PLCB1: variants seen among roughly 807,000 people sequenced by gnomAD.
PLCB1 encodes the protein phospholipase C beta 1.
In PLCB1, 46 loss-of-function variants were observed where a neutral mutation model predicts 161.8. The observed-to-expected ratio is 0.28, with a 90% CI of 0.22 to 0.36. PLCB1 has a LOEUF of 0.36. Ranked by LOEUF, PLCB1 falls within the 10% of genes least tolerant of loss-of-function variation. PLCB1 has a pLI of 1.00. For synonymous variants in PLCB1, 517 were observed against 503.7 expected (o/e 1.03, Z -0.35); for missense variants, 1,016 against 1,472.5 (o/e 0.69, Z 5.07).
chr20:8,826,145 G>A (rs528427207), intron 31 of PLCB1, among the ~76,000 whole-genome samples: 1 of 152,106 alleles, frequency 6.6e-6, no homozygotes, highest in Non-Finnish European at 1.5e-5. Flanking sequence ...GGAGATAAAA[G>A]ATTTGTGAGT....
At chr20:8,367,494 G>T (rs1227614249) in intron 2 of PLCB1, among the ~76,000 whole-genome samples, 2 of 152,188 alleles carry the variant, frequency 1.3e-5, no homozygotes, top group Non-Finnish European at 2.9e-5. Flanking sequence ...CACTGATACG[G>T]AAGGTATGAT....
At position 8,299,867 on chromosome 20, in the gene PLCB1, A is replaced by G. The variant is rs1983815888; in HGVS notation, c.178-71515A>G. 3.3e-5 allele frequency among the ~76,000 whole-genome samples: 5 copies of G among 152,132 alleles called. No homozygotes were observed. In the South Asian group the frequency reaches 1.0e-3, roughly 31 times the overall value. The stretch of plus-strand genomic sequence containing the variant: ...TTTCACTTTTTCTCAAGGCTCAAGG[A>G]CTTACTCTTGCTTAACTTGGCTCAC... On this transcript the variant is annotated intron_variant, in intron 2 of 31. Coordinates refer to ENST00000338037, the MANE Select transcript of PLCB1 (RefSeq NM_015192.4).
At chr20:8,879,856 A>C (rs886324442) in intron 31 of PLCB1, among the ~76,000 whole-genome samples, 1 of 152,162 alleles carries the variant, frequency 6.6e-6, no homozygotes, top group Non-Finnish European at 1.5e-5. Context: ...AACAAGCCCC[A>C]GAGGCTGCCC....
intron 2 of PLCB1, among the ~76,000 whole-genome samples, chr20:8,317,429 C>G (rs1165014480): frequency 6.6e-6 from 1 of 152,120 alleles, no homozygotes; most frequent in African/African-American, 2.4e-5. Context: ...CTGTGCCACT[C>G]TGATCACACA....
chr20:8,345,486 T>C (rs2122237348), intron 2 of PLCB1, among the ~76,000 whole-genome samples: 1 of 152,278 alleles, frequency 6.6e-6, no homozygotes, highest in East Asian at 1.9e-4. Flanking sequence ...ATGGAAAGCC[T>C]TGAGTAGCAA....
intron 3 of PLCB1, among the ~76,000 whole-genome samples, chr20:8,398,824 CTTT>C (rs1978407300): frequency 6.7e-6 from 1 of 150,022 alleles, no homozygotes; most frequent in Non-Finnish European, 1.5e-5. Context: ...TTTTTGAGCT[CTTT>C]ATATATCAGG....
rs1277389868 is a variant in PLCB1, at chr20:8,418,450, G to A, written c.246+47000G>A. ...GCAGATTTGTCCTAAACAGGCCTAG[G>A]AAATGAATATACAATTATACATAAA... On this transcript the variant is annotated intron_variant, in intron 3 of 31. Transcript: ENST00000338037. 2.0e-5 allele frequency among the ~76,000 whole-genome samples: 3 copies of A among 152,180 alleles called. No homozygotes were observed. In the South Asian group the frequency reaches 6.2e-4, roughly 32 times the overall value.
chr20:8,832,896 G>A (rs558102557), intron 31 of PLCB1, among the ~76,000 whole-genome samples: 9 of 152,218 alleles, frequency 5.9e-5, no homozygotes, highest in African/African-American at 1.7e-4. Flanking sequence ...CCCTCATGTC[G>A]GCAGCTGGAC....
At chr20:8,632,035 C>CTTTTTTTTTTTGT (rs1568537430) in intron 4 of PLCB1, among the ~76,000 whole-genome samples, 9 of 45,990 alleles carry the variant, frequency 2.0e-4, no homozygotes, top group South Asian at 1.0e-3. Context: ...GTTTTTTTTG[C>CTTTTTTTTTTTGT]TTTTTTTTTT....
At chr20:8,543,834 C>A (rs1985432845) in intron 3 of PLCB1, among the ~76,000 whole-genome samples, 1 of 152,128 alleles carries the variant, frequency 6.6e-6, no homozygotes, top group Admixed American at 6.5e-5. Flanking sequence ...GGCTCATTCT[C>A]ATTCTCGCTC....
chr20:8,664,335 T>C (rs971909652), intron 9 of PLCB1, among the ~76,000 whole-genome samples: 2 of 152,098 alleles, frequency 1.3e-5, no homozygotes, highest in African/African-American at 4.8e-5. Context: ...TGAAATGAAC[T>C]CAAGATTATA....
chr20:8,218,233 A>G (rs1265479193), intron 2 of PLCB1, among the ~76,000 whole-genome samples: 5 of 152,140 alleles, frequency 3.3e-5, no homozygotes, highest in African/African-American at 1.2e-4. Flanking sequence ...GGTTTCTAAA[A>G]GGGCAGTGTT....
At chr20:8,561,238 C>T (rs1304505948) in intron 3 of PLCB1, among the ~76,000 whole-genome samples, 1 of 151,916 alleles carries the variant, frequency 6.6e-6, no homozygotes, top group East Asian at 1.9e-4. Context: ...TGTGGATACA[C>T]TTTCTAGTCT....
intron 4 of PLCB1, among the ~76,000 whole-genome samples, chr20:8,643,967 G>A (rs1320641178): frequency 1.3e-5 from 2 of 152,288 alleles, no homozygotes; most frequent in South Asian, 2.1e-4. Context: ...ACTGGTTTTC[G>A]TATTTTTTTG....
intron 7 of PLCB1, among the ~76,000 whole-genome samples, chr20:8,654,259 G>A (rs1052672866): frequency 2.0e-5 from 3 of 151,862 alleles, no homozygotes; most frequent in African/African-American, 4.8e-5. Context: ...TAAAATAAAT[G>A]GGCCTCATTC....
At chr20:8,270,308 CA>C (rs1240036303) in intron 2 of PLCB1, among the ~76,000 whole-genome samples, 1 of 152,084 alleles carries the variant, frequency 6.6e-6, no homozygotes, top group Non-Finnish European at 1.5e-5. Context: ...GCTAAGTACA[CA>C]GTGTATTTTC....
At chr20:8,732,126 C>G (rs1307738642) in intron 18 of PLCB1, 5 of 151,968 alleles carry the variant, frequency 3.3e-5, no homozygotes, top group Admixed American at 6.6e-5. Context: ...TGACCAGTAA[C>G]CTTTGTCCAC....
chr20:8,388,184 A>G (rs938607733), intron 3 of PLCB1, among the ~76,000 whole-genome samples: 1 of 151,950 alleles, frequency 6.6e-6, no homozygotes, highest in Non-Finnish European at 1.5e-5. Flanking sequence ...TACTGACAAT[A>G]CCCTTTTGTA....
chr20:8,461,241 T>C (rs1251175994), intron 3 of PLCB1, among the ~76,000 whole-genome samples: 1 of 152,158 alleles, frequency 6.6e-6, no homozygotes, highest in Non-Finnish European at 1.5e-5. Flanking sequence ...GAATATTATG[T>C]ATGCATAGTA....
Sources: gnomAD v4.1 joint callset for allele counts (sites outside exome capture counted in the v4.1 genomes callset) on GRCh38, gnomAD v4.1.1 for gene constraint, MANE v1.5 for transcripts, NCBI Gene and HGNC (gene_info 2026-07-23, HGNC 2026-07-21) for gene names.